The following ZNF277 variants were observed in gnomAD, a reference collection of about 807,000 sequenced individuals.
ZNF277 encodes nuclear receptor-interacting factor 4.
Under a neutral mutation model 60.7 loss-of-function variants are expected in ZNF277, and 55 were observed. The observed-to-expected ratio is 0.91, with a 90% CI of 0.73 to 1.13. The LOEUF is 1.13. Among genes scored for constraint, ZNF277 ranks in the 50% most tolerant of loss-of-function variants. ZNF277 has a pLI of 0.00. For missense variants in ZNF277, 510 were observed against 523.0 expected (o/e 0.98, Z 0.24); for synonymous variants, 178 against 179.3 (o/e 0.99, Z 0.06).
At chr7:112,222,868 G>A (rs562910753) in intron 1 of ZNF277, among the ~76,000 whole-genome samples, 1 of 152,226 alleles carries the variant, frequency 6.6e-6, no homozygotes, top group Admixed American at 6.5e-5. Flanking sequence ...TAATCTGGGT[G>A]GGTACCATCT....
chr7:112,257,971 C>T (rs1791360538), intron 1 of ZNF277, among the ~76,000 whole-genome samples: 2 of 151,892 alleles, frequency 1.3e-5, no homozygotes. Flanking sequence ...CACCACCAGG[C>T]CTGGCTAACA....
intron 1 of ZNF277, among the ~76,000 whole-genome samples, chr7:112,259,954 TA>T (rs1791404987): frequency 1.3e-5 from 2 of 152,334 alleles, no homozygotes; most frequent in South Asian, 4.1e-4. Context: ...ATCTATCAGG[TA>T]AACATCCTGA....
intron 1 of ZNF277, among the ~76,000 whole-genome samples, chr7:112,280,799 T>G (rs1791921859): frequency 6.6e-6 from 1 of 152,030 alleles, no homozygotes; most frequent in Non-Finnish European, 1.5e-5. Context: ...CTAATTTTTT[T>G]GTGTTTGTAG....
chr7:112,300,731 A>G (rs1792453840), intron 4 of ZNF277, among the ~76,000 whole-genome samples: 2 of 152,226 alleles, frequency 1.3e-5, no homozygotes, highest in Admixed American at 1.3e-4. Flanking sequence ...GCCTAAAAAC[A>G]GAACTTATTT....
intron 9 of ZNF277, among the ~76,000 whole-genome samples, chr7:112,338,077 A>G (rs990674297): frequency 6.6e-6 from 1 of 152,200 alleles, no homozygotes; most frequent in African/African-American, 2.4e-5. Flanking sequence ...GATGCTTACA[A>G]GATCATTCTA....
intron 1 of ZNF277, among the ~76,000 whole-genome samples, chr7:112,247,893 A>G (rs1191945316): frequency 6.6e-6 from 1 of 151,866 alleles, no homozygotes; most frequent in African/African-American, 2.4e-5. Flanking sequence ...ACTTGAACCC[A>G]GGAGGCAGAG....
chr7:112,333,212 T>G (rs914260622), intron 7 of ZNF277, among the ~76,000 whole-genome samples: 2 of 151,994 alleles, frequency 1.3e-5, no homozygotes, highest in African/African-American at 2.4e-5. Context: ...CTGACATGAG[T>G]GCATGAGTGT....
At chr7:112,275,323 C>G (rs1791768055) in intron 1 of ZNF277, among the ~76,000 whole-genome samples, 1 of 152,100 alleles carries the variant, frequency 6.6e-6, no homozygotes, top group South Asian at 2.1e-4. Context: ...TCGTAGTAGT[C>G]TTAATTTGAA....
At chr7:112,277,646 T>G (rs961802933) in intron 1 of ZNF277, among the ~76,000 whole-genome samples, 3 of 152,204 alleles carry the variant, frequency 2.0e-5, no homozygotes, top group African/African-American at 7.2e-5. Context: ...TTTTAAATGC[T>G]CAATCTCCGC....
intron 2 of ZNF277, among the ~76,000 whole-genome samples, chr7:112,293,864 G>A (rs559759325): frequency 6.6e-6 from 1 of 152,284 alleles, no homozygotes; most frequent in Middle Eastern, 3.4e-3. Flanking sequence ...CAGGACTGAC[G>A]ATCCACTCCT....
chr7:112,341,878 G>A (rs375831275), intron 11 of ZNF277, among the ~76,000 whole-genome samples: 23 of 152,260 alleles, frequency 1.5e-4, no homozygotes, highest in African/African-American at 5.5e-4. Flanking sequence ...CCACACTTGT[G>A]AGGGTACCCT....
intron 1 of ZNF277, 27 bp from the exon 2 acceptor site, chr7:112,286,846 T>TTTTTC (rs1563216140): frequency 8.5e-7 from 1 of 1,177,736 alleles, no homozygotes; most frequent in African/African-American, 1.7e-5. Context: ...TCTTTCTTTT[T>TTTTTC]TTTTTTTTTT....
chr7:112,305,228 AATAAT>A (rs1792562640), intron 4 of ZNF277, among the ~76,000 whole-genome samples: 1 of 151,922 alleles, frequency 6.6e-6, no homozygotes, highest in African/African-American at 2.4e-5. Flanking sequence ...CCTTAAAAAT[AATAAT>A]AATAATAATA....
intron 10 of ZNF277, among the ~76,000 whole-genome samples, 160 bp from the exon 11 acceptor site, chr7:112,340,712 A>T (rs1793426137): frequency 6.6e-6 from 1 of 152,170 alleles, no homozygotes; most frequent in Admixed American, 6.5e-5. Context: ...GCCCTGTGTA[A>T]ATATGTGCTG....
In ZNF277 at chr7:112,319,011, G is replaced by A. The variant is rs1160712258; in HGVS notation, c.557+738G>A. Among the ~76,000 whole-genome samples, 5 of 152,048 alleles carry A rather than the reference G, an allele frequency of 3.3e-5. 1 individual carries two copies. Among genetic ancestry groups the A allele is most frequent in the Admixed American group, 6.6e-5 (1 of 15,254 alleles). ...GAGACAAATTGGGCAGGGTCTGAGA[G>A]GGTCCTGAATAAGGAGTTTCTGAAT... On this transcript the variant is annotated intron_variant, in intron 5 of 11. Transcript: ENST00000361822.
intron 1 of ZNF277, among the ~76,000 whole-genome samples, chr7:112,268,605 AGAT>A (rs150690775): frequency 0.032 from 4,852 of 152,236 alleles, 236 homozygotes; most frequent in African/African-American, 0.11. Flanking sequence ...AAAAGTGTAT[AGAT>A]TATTGTTCCT....
At chr7:112,224,627 G>A (rs997859863) in intron 1 of ZNF277, among the ~76,000 whole-genome samples, 7 of 152,200 alleles carry the variant, frequency 4.6e-5, no homozygotes, top group Admixed American at 1.3e-4. Flanking sequence ...GCTATTGAGG[G>A]TGGTGAGTTA....
rs547711630 is a variant in ZNF277, at chr7:112,320,374, G to A, written c.557+2101G>A. On this transcript the variant is annotated intron_variant, in intron 5 of 11. Transcript: ENST00000361822. ...AAATAGTGTCTAGTTCTTATAAAACGTCCCCTTTCATTCATCAGTTCTTTT... is the reference window on the plus strand; with the variant it reads ...AAATAGTGTCTAGTTCTTATAAAACATCCCCTTTCATTCATCAGTTCTTTT... 1.6e-3 allele frequency among the ~76,000 whole-genome samples: 240 copies of A among 152,032 alleles called. 1 individual carries two copies. Among genetic ancestry groups the A allele is most frequent in the African/African-American group, 5.3e-3 (220 of 41,484 alleles).
Position 112,342,622 on chromosome 7 carries a change from G to A in ZNF277, c.1246G>A (p.Asp416Asn). The change falls in exon 12 of 12, where the codon GAC (aspartate) becomes AAC (asparagine). Residue 416 changes from aspartate to asparagine, a missense_variant. By Grantham distance (23) the Asp-to-Asn change is conservative. Coordinates refer to ENST00000361822, the MANE Select transcript of ZNF277 (RefSeq NM_021994.3). ...GTGTACACTATCTGACAGTGAAAGT[G>A]ACCTGACAGCTCAGGAACAAAATGA... Reference protein sequence around the residue: ...LLCTLSDSESDLTAQEQNENV... With the variant: ...LLCTLSDSESNLTAQEQNENV... 6.2e-7 allele frequency: 1 copy of A among 1,613,166 alleles called. No homozygotes were observed. The highest frequency in any genetic ancestry group is 8.5e-7 in the Non-Finnish European group (1 of 1,179,824).
Sources: allele counts gnomAD v4.1 joint callset (sites outside exome capture counted in the v4.1 genomes callset), GRCh38; gene constraint gnomAD v4.1.1; transcripts MANE v1.5; gene names NCBI Gene and HGNC (gene_info 2026-07-23, HGNC 2026-07-21).